CTNND2: variants seen among roughly 807,000 people sequenced by gnomAD.
CTNND2 encodes catenin delta 2, also known as catenin delta-2.
In CTNND2, 22 loss-of-function variants were observed where a neutral mutation model predicts 144.4. That is an observed-to-expected ratio of 0.15 (90% confidence interval 0.11 to 0.22). The LOEUF is 0.22. CTNND2 is among the 10% of genes least tolerant of loss of function. The probability of loss-of-function intolerance (pLI) is 1.00; values close to 1 mark genes in which losing one functional copy is unlikely to be tolerated. For missense variants in CTNND2, 1,353 were observed against 1,618.8 expected (o/e 0.84, Z 2.82); for synonymous variants, 751 against 695.6 (o/e 1.08, Z -1.25).
chr5:11,694,335 T>C lies in CTNND2; in HGVS notation c.174+37801A>G, dbSNP rs190130034. Reference sequence around the variant, plus strand: ...CTGTAGTCCCAGCTACTCAGGAGGCTGAGGCAGGAGAATGGCGTGAACCCG... The same window carrying C: ...CTGTAGTCCCAGCTACTCAGGAGGCCGAGGCAGGAGAATGGCGTGAACCCG... On this transcript the variant is annotated intron_variant, in intron 2 of 21. Transcript: ENST00000304623. Among the ~76,000 whole-genome samples the C allele has an allele frequency of 2.9e-3, 434 of 150,824 alleles. 2 individuals carry two copies. Among genetic ancestry groups the C allele is most frequent in the African/African-American group, 9.6e-3 (394 of 40,942 alleles).
intron 1 of CTNND2, among the ~76,000 whole-genome samples, chr5:11,885,437 T>C (rs752111049): frequency 1.3e-5 from 2 of 152,032 alleles, no homozygotes; most frequent in Non-Finnish European, 2.9e-5. Context: ...TCAAAAACTA[T>C]AAAAAAGAGA....
At chr5:11,570,364 C>A (rs1173950036) in intron 2 of CTNND2, among the ~76,000 whole-genome samples, 1 of 152,158 alleles carries the variant, frequency 6.6e-6, no homozygotes, top group Admixed American at 6.6e-5. Context: ...CATTCTCCTA[C>A]TTTATTTCCT....
intron 8 of CTNND2, among the ~76,000 whole-genome samples, chr5:11,357,158 C>T (rs1178731593): frequency 2.0e-5 from 3 of 152,088 alleles, no homozygotes; most frequent in East Asian, 3.9e-4. Flanking sequence ...CCATGTGATC[C>T]AGCAATCTCA....
intron 11 of CTNND2, among the ~76,000 whole-genome samples, chr5:11,167,410 C>T (rs541582525): frequency 7.9e-5 from 12 of 152,280 alleles, no homozygotes; most frequent in African/African-American, 2.4e-4. Flanking sequence ...AATGAGTTGT[C>T]CTTGACATTT....
intron 19 of CTNND2, 54 bp downstream of exon 19, chr5:10,992,497 G>A (rs1004566098): frequency 2.0e-5 from 32 of 1,611,272 alleles, no homozygotes; most frequent in Admixed American, 5.0e-5. Context: ...GGGAAGGACC[G>A]TCTTTGCTCA....
intron 16 of CTNND2, among the ~76,000 whole-genome samples, chr5:11,031,093 G>C (rs1422823952): frequency 6.6e-6 from 1 of 152,086 alleles, no homozygotes; most frequent in Non-Finnish European, 1.5e-5. Flanking sequence ...AGTCTTTAAT[G>C]ACTGGCTCCC....
chr5:11,084,446 A>G (rs560221351), intron 15 of CTNND2, among the ~76,000 whole-genome samples: 1 of 152,330 alleles, frequency 6.6e-6, no homozygotes, highest in African/African-American at 2.4e-5. Flanking sequence ...TATGCAGCCC[A>G]CTTAATCCTG....
chr5:11,194,503 C>T (rs1303129040), intron 11 of CTNND2, among the ~76,000 whole-genome samples: 1 of 152,136 alleles, frequency 6.6e-6, no homozygotes, highest in Admixed American at 6.5e-5. Context: ...CTGATTAAGA[C>T]ACTTAAAAGA....
At chr5:11,147,916 G>T (rs1376614305) in intron 12 of CTNND2, among the ~76,000 whole-genome samples, 1 of 152,170 alleles carries the variant, frequency 6.6e-6, no homozygotes, top group Non-Finnish European at 1.5e-5. Flanking sequence ...AGTGAACACA[G>T]CTCACATGTC....
chr5:11,140,133 A>G (rs1756580599), intron 12 of CTNND2, among the ~76,000 whole-genome samples: 7 of 152,190 alleles, frequency 4.6e-5, no homozygotes. Context: ...AGGTCTTCAC[A>G]GGTTTTTGGT....
chr5:11,055,743 T>C (rs936499878), intron 16 of CTNND2, among the ~76,000 whole-genome samples: 1 of 152,082 alleles, frequency 6.6e-6, no homozygotes. Context: ...TTGGCTGTGA[T>C]TGGGGGTACT....
intron 1 of CTNND2, among the ~76,000 whole-genome samples, chr5:11,884,281 G>A (rs1399509454): frequency 6.6e-6 from 1 of 152,128 alleles, no homozygotes; most frequent in South Asian, 2.1e-4. Flanking sequence ...TATTGCCTAG[G>A]TTTTCTTCTA....
chr5:11,498,543 C>T lies in CTNND2; in HGVS notation c.287+66401G>A, dbSNP rs61757507. Among the ~76,000 whole-genome samples the T allele has an allele frequency of 9.2e-3, 1,400 of 152,192 alleles. 21 individuals are homozygous for T. The highest frequency in any genetic ancestry group is 0.031 in the African/African-American group (1,270 of 41,530). ...ATTTCACTTACAACAATGTAGGGTA[C>T]AAGCAAAACATGATGGCAAAAAAGA... On this transcript the variant is annotated intron_variant, in intron 3 of 21. Coordinates refer to ENST00000304623, the MANE Select transcript of CTNND2 (RefSeq NM_001332.4).
chr5:11,828,638 G>A (rs1248855691), intron 1 of CTNND2, among the ~76,000 whole-genome samples: 1 of 152,190 alleles, frequency 6.6e-6, no homozygotes, highest in African/African-American at 2.4e-5. Flanking sequence ...TGCCATGATT[G>A]TGAGGCCTCC....
chr5:11,326,448 T>A (rs1187212536), intron 9 of CTNND2, among the ~76,000 whole-genome samples: 1 of 151,682 alleles, frequency 6.6e-6, no homozygotes, highest in Non-Finnish European at 1.5e-5. Context: ...GCCAAGTGAG[T>A]GTCTTGAAAC....
chr5:11,738,428 G>A (rs930414971), intron 1 of CTNND2, among the ~76,000 whole-genome samples: 8 of 152,124 alleles, frequency 5.3e-5, no homozygotes, highest in African/African-American at 1.9e-4. Flanking sequence ...CAAATGAATA[G>A]TCTAAACTTT....
At chr5:11,173,626 T>C (rs777576077) in intron 11 of CTNND2, among the ~76,000 whole-genome samples, 6 of 152,222 alleles carry the variant, frequency 3.9e-5, no homozygotes, top group African/African-American at 1.2e-4. Context: ...AATTGGGTTT[T>C]TGTGTTTGTT....
chr5:11,573,859 C>T (rs576141756), intron 2 of CTNND2, among the ~76,000 whole-genome samples: 22 of 152,238 alleles, frequency 1.4e-4, no homozygotes, highest in Non-Finnish European at 2.9e-4. Context: ...TTTTGCTCTG[C>T]CATTTTCTCT....
intron 10 of CTNND2, among the ~76,000 whole-genome samples, chr5:11,207,965 G>C (rs888300764): frequency 2.0e-5 from 3 of 151,922 alleles, no homozygotes; most frequent in Non-Finnish European, 4.4e-5. Context: ...AAAACCTTTT[G>C]GAATTAATTA....
Sources: allele counts gnomAD v4.1 joint callset (sites outside exome capture counted in the v4.1 genomes callset), GRCh38; gene constraint gnomAD v4.1.1; transcripts MANE v1.5; gene names NCBI Gene and HGNC (gene_info 2026-07-23, HGNC 2026-07-21).